Variants in COLEC12 observed in about 807,000 individuals in gnomAD.
The protein encoded by COLEC12 is collectin-12.
Under a neutral mutation model 71.1 loss-of-function variants are expected in COLEC12, and 33 were observed. The ratio of observed to expected loss-of-function variants is 0.46; its 90% confidence interval spans 0.35 to 0.62. COLEC12 has a LOEUF of 0.62. COLEC12 is among the 20% of genes least tolerant of loss of function. COLEC12 has a pLI of 0.00. For synonymous variants in COLEC12, 350 were observed against 353.0 expected (o/e 0.99, Z 0.10); for missense variants, 765 against 916.1 (o/e 0.84, Z 2.13).
chr18:404,699 T>C (rs1915751877), intron 2 of COLEC12, among the ~76,000 whole-genome samples: 1 of 152,214 alleles, frequency 6.6e-6, no homozygotes, highest in South Asian at 2.1e-4. Context: ...AATCCTGTTA[T>C]CTTCATAAGC....
intron 1 of COLEC12, among the ~76,000 whole-genome samples, chr18:486,563 C>G (rs756871259): frequency 1.6e-4 from 24 of 152,196 alleles, no homozygotes; most frequent in Non-Finnish European, 2.9e-4. Flanking sequence ...CAAGGTCTCA[C>G]AGCTTATGAG....
chr18:430,968 C>CTG lies in COLEC12; in HGVS notation c.58+49737_58+49738dup, dbSNP rs1478264277. ...GAGTGGCAACATATAGGAACTATGG[C>CTG]TGTGGCCTCTTGCACTGGCCCACAC... On this transcript the variant is annotated intron_variant, in intron 2 of 9. Coordinates refer to ENST00000400256, the MANE Select transcript of COLEC12 (RefSeq NM_130386.3). Among the ~76,000 whole-genome samples the CTG allele has an allele frequency of 2.0e-5, 3 of 152,226 alleles. No homozygotes were observed. In the East Asian group the frequency reaches 5.8e-4, roughly 29 times the overall value.
chr18:417,430 T>A (rs1455165274), intron 2 of COLEC12, among the ~76,000 whole-genome samples: 1 of 152,222 alleles, frequency 6.6e-6, no homozygotes, highest in Non-Finnish European at 1.5e-5. Context: ...TGCATGACTA[T>A]GTGTGTTTTT....
intron 2 of COLEC12, among the ~76,000 whole-genome samples, chr18:436,694 CAGA>C (rs1030089005): frequency 1.3e-5 from 2 of 151,612 alleles, no homozygotes; most frequent in Admixed American, 1.3e-4. Context: ...AAGTCACAAG[CAGA>C]AGGAGACATC....
chr18:340,221 C>G (rs561884224), intron 5 of COLEC12, among the ~76,000 whole-genome samples: 3 of 152,122 alleles, frequency 2.0e-5, no homozygotes, highest in Non-Finnish European at 4.4e-5. Flanking sequence ...TGCTTTCAAA[C>G]TGACTGAAAT....
intron 3 of COLEC12, among the ~76,000 whole-genome samples, chr18:353,390 C>T (rs140889555): frequency 7.9e-5 from 12 of 152,320 alleles, no homozygotes; most frequent in Non-Finnish European, 1.2e-4. Context: ...AAAAGTCACA[C>T]AGCTTGTCAG....
rs557422575 is a variant in COLEC12 at position 328,672 on chromosome 18, G to T, written c.2063+2996C>A. Among the ~76,000 whole-genome samples, 22 of 152,210 alleles carry T rather than the reference G, an allele frequency of 1.4e-4. No individual in the cohort carries two copies. The South Asian group carries it at 4.4e-3, about 30-fold the overall frequency. On this transcript the variant is annotated intron_variant, in intron 8 of 9. Transcript: ENST00000400256. ...CTTTATTTTCACAATACTGACATAG[G>T]TATTTTGGAAAATTCATCTTATAAA...
chr18:330,873 G>GTTTTTTTTTTTTTTTTTTTTTTTTT (rs60146586), intron 8 of COLEC12, among the ~76,000 whole-genome samples: 1 of 133,766 alleles, frequency 7.5e-6, no homozygotes, highest in Non-Finnish European at 1.5e-5. Context: ...CACATTTGTA[G>GTTTTTTTTTTTTTTTTTTTTTTTTT]TTTTTTTTTT....
At chr18:389,521 G>A (rs148167154) in intron 2 of COLEC12, among the ~76,000 whole-genome samples, 181 of 151,224 alleles carry the variant, frequency 1.2e-3, no homozygotes, top group South Asian at 1.3e-3. Context: ...CTCATGGTCC[G>A]CCCACCTCGG....
At chr18:352,367 C>G (rs1279509281) in intron 3 of COLEC12, among the ~76,000 whole-genome samples, 1 of 152,156 alleles carries the variant, frequency 6.6e-6, no homozygotes, top group Non-Finnish European at 1.5e-5. Flanking sequence ...GCCAAAGAAA[C>G]CTTCAAATAT....
intron 3 of COLEC12, among the ~76,000 whole-genome samples, chr18:349,345 C>G (rs1345541969): frequency 6.6e-6 from 1 of 152,228 alleles, no homozygotes; most frequent in Non-Finnish European, 1.5e-5. Flanking sequence ...TGTTGTTGAG[C>G]CTGTGAGTGC....
At chr18:386,272 AC>A (rs1173380898) in intron 2 of COLEC12, among the ~76,000 whole-genome samples, 1 of 152,214 alleles carries the variant, frequency 6.6e-6, no homozygotes, top group Admixed American at 6.5e-5. Flanking sequence ...CACCAACTGT[AC>A]AAGTCATGTT....
chr18:338,779 G>A (rs1220197585), intron 5 of COLEC12, among the ~76,000 whole-genome samples: 2 of 152,124 alleles, frequency 1.3e-5, no homozygotes, highest in African/African-American at 2.4e-5. Context: ...GATAGTTCTA[G>A]GGAAAAAATA....
chr18:350,061 C>T (rs560135139), intron 3 of COLEC12, among the ~76,000 whole-genome samples: 86 of 152,206 alleles, frequency 5.7e-4, no homozygotes, highest in Non-Finnish European at 8.7e-4. Context: ...TGTTTTGAAA[C>T]GTGAGGACAT....
chr18:381,999 G>C (rs1427342041), intron 2 of COLEC12, among the ~76,000 whole-genome samples: 1 of 129,840 alleles, frequency 7.7e-6, no homozygotes, highest in Non-Finnish European at 1.8e-5. Flanking sequence ...ATCTCTTACA[G>C]ACTTAAAAAA....
At chr18:430,204 C>T (rs1202959297) in intron 2 of COLEC12, among the ~76,000 whole-genome samples, 3 of 151,960 alleles carry the variant, frequency 2.0e-5, no homozygotes, top group African/African-American at 4.8e-5. Context: ...GGCGTGGTGG[C>T]GCACCTGTAG....
intron 2 of COLEC12, among the ~76,000 whole-genome samples, chr18:376,216 G>C (rs1915110235): frequency 6.6e-6 from 1 of 152,172 alleles, no homozygotes. Context: ...GGGAATAATG[G>C]CTCCAGAATC....
intron 2 of COLEC12, among the ~76,000 whole-genome samples, chr18:475,151 C>G (rs940643590): frequency 6.6e-6 from 1 of 152,168 alleles, no homozygotes; most frequent in Non-Finnish European, 1.5e-5. Context: ...AAACTCTCCC[C>G]TTAACTTGAT....
intron 2 of COLEC12, among the ~76,000 whole-genome samples, chr18:455,278 C>CTTT (rs33915278): frequency 6.6e-4 from 88 of 132,476 alleles, no homozygotes; most frequent in Non-Finnish European, 1.2e-3. Flanking sequence ...TTATTTTACG[C>CTTT]TTTTTTTTTT....
Sources: allele counts gnomAD v4.1 joint callset (sites outside exome capture counted in the v4.1 genomes callset), GRCh38; gene constraint gnomAD v4.1.1; transcripts MANE v1.5; gene names NCBI Gene and HGNC (gene_info 2026-07-23, HGNC 2026-07-21).